Variants in ARHGAP12 observed in about 807,000 individuals in gnomAD.
The protein encoded by ARHGAP12 is Rho GTPase activating protein 12.
Under a neutral mutation model 108.6 loss-of-function variants are expected in ARHGAP12, and 64 were observed. The ratio of observed to expected loss-of-function variants is 0.59; its 90% CI spans 0.48 to 0.73. The LOEUF is 0.73. ARHGAP12 is among the 30% of genes least tolerant of loss of function. The probability of loss-of-function intolerance (pLI) is 0.00; values close to 1 mark genes in which losing one functional copy is unlikely to be tolerated. For synonymous variants in ARHGAP12, 312 were observed against 337.2 expected (o/e 0.93, Z 0.82); for missense variants, 940 against 1,005.9 (o/e 0.93, Z 0.89).
At chr10:31,812,270 ATTAG>A (rs959707884) in intron 15 of ARHGAP12, among the ~76,000 whole-genome samples, 2 of 152,198 alleles carry the variant, frequency 1.3e-5, no homozygotes, top group Non-Finnish European at 2.9e-5. Flanking sequence ...AGGCAAATAA[ATTAG>A]TTAGAAAAAA....
rs1390979764 is a variant in ARHGAP12, at chr10:31,854,218, C to G, written c.949-12G>C. 6.3e-7 allele frequency: 1 copy of G among 1,589,706 alleles called. No homozygotes were observed. Among genetic ancestry groups the G allele is most frequent in the Non-Finnish European group, 8.5e-7 (1 of 1,173,068 alleles). ...TCCGATGAAAGAAGCTACAAATAGT[C>G]AGAAACATAAGGATTTTTCTTTTTT... On this transcript the variant is annotated splice_polypyrimidine_tract_variant and intron_variant, in intron 4 of 19. Transcript: ENST00000344936.
chr10:31,914,548 G>A (rs1839479511), intron 1 of ARHGAP12, among the ~76,000 whole-genome samples: 1 of 152,012 alleles, frequency 6.6e-6, no homozygotes, highest in Non-Finnish European at 1.5e-5. Flanking sequence ...AGAAAAAAAT[G>A]CTCAACATCA....
chr10:31,911,563 C>T (rs1839349388), intron 1 of ARHGAP12, among the ~76,000 whole-genome samples: 1 of 152,218 alleles, frequency 6.6e-6, no homozygotes, highest in Non-Finnish European at 1.5e-5. Flanking sequence ...ATCCACCCAC[C>T]TCTGCCTCTC....
intron 12 of ARHGAP12, 22 bp downstream of exon 12, chr10:31,820,365 T>C: frequency 6.4e-7 from 1 of 1,565,944 alleles, no homozygotes; most frequent in Non-Finnish European, 8.7e-7. Context: ...GAATGTGTTA[T>C]ACTTAGAAAA....
At position 31,805,867 on chromosome 10, in the gene ARHGAP12, T is replaced by G. The variant is rs1296190298; in HGVS notation, c.*1791A>C. 1.3e-5 allele frequency: 2 copies of G among 152,178 alleles called. No individual in the cohort carries two copies. Among genetic ancestry groups the G allele is most frequent in the Non-Finnish European group, 1.5e-5 (1 of 68,024 alleles). 9.4% of individuals were successfully genotyped at this position (152,178 alleles called of 1,614,324 possible). ...TTTAGGCAAATATAAACATTCTGAT[T>G]TAGGGCTTTTTCTCCCCACCCGAAA... is the stretch of plus-strand genomic sequence containing the variant. On this transcript the variant is annotated 3_prime_UTR_variant, in exon 20 of 20. Transcript: ENST00000344936.
In ARHGAP12 at chr10:31,817,974, A is replaced by T. The variant is rs12264016; in HGVS notation, c.1633-88T>A. 0.013 allele frequency: 11,903 copies of T among 922,454 alleles called. 916 individuals are homozygous for T. In the African/African-American group the frequency reaches 0.17, roughly 13 times the overall value. 57.1% of individuals were successfully genotyped at this position (922,454 alleles called of 1,614,324 possible). ...AATACCTTTAATTCAAAGTTAACAA[A>T]ACCACCAAGAGTAGCTGCCATATAT... On this transcript the variant is annotated intron_variant, in intron 12 of 19. Transcript: ENST00000344936.
At chr10:31,882,252 GCCTA>G (rs1266624791) in intron 3 of ARHGAP12, among the ~76,000 whole-genome samples, 2 of 152,142 alleles carry the variant, frequency 1.3e-5, no homozygotes, top group African/African-American at 2.4e-5. Context: ...AGTAGCCAGA[GCCTA>G]CCTAACCAAA....
At chr10:31,917,404 CA>C (rs1022448048) in intron 1 of ARHGAP12, among the ~76,000 whole-genome samples, 1 of 151,436 alleles carries the variant, frequency 6.6e-6, no homozygotes, top group Non-Finnish European at 1.5e-5. Flanking sequence ...GACTTAGTCT[CA>C]AAAAAATAAA....
chr10:31,893,100 A>C (rs1464256460), intron 3 of ARHGAP12, among the ~76,000 whole-genome samples: 7 of 152,226 alleles, frequency 4.6e-5, no homozygotes, highest in Non-Finnish European at 8.8e-5. Context: ...CATTTAAAGC[A>C]GTGTGTAAAG....
At chr10:31,896,460 T>C (rs2132419881) in intron 3 of ARHGAP12, among the ~76,000 whole-genome samples, 1 of 152,282 alleles carries the variant, frequency 6.6e-6, no homozygotes, top group Middle Eastern at 3.4e-3. Flanking sequence ...TTGTCAGTTA[T>C]CACTTTTTCT....
intron 4 of ARHGAP12, among the ~76,000 whole-genome samples, chr10:31,859,595 G>A (rs1837033984): frequency 8.3e-6 from 1 of 120,468 alleles, no homozygotes; most frequent in South Asian, 2.7e-4. Flanking sequence ...CAGTAATTGA[G>A]ACCCTGTATA....
At chr10:31,865,311 T>C (rs529317261) in intron 3 of ARHGAP12, among the ~76,000 whole-genome samples, 3 of 152,020 alleles carry the variant, frequency 2.0e-5, no homozygotes, top group African/African-American at 7.2e-5. Context: ...GACAAGACAG[T>C]AGGAATGCAG....
chr10:31,870,727 C>T (rs766674330), intron 3 of ARHGAP12, among the ~76,000 whole-genome samples: 24 of 152,100 alleles, frequency 1.6e-4, no homozygotes, highest in Non-Finnish European at 2.4e-4. Flanking sequence ...AAAAATATAA[C>T]TTCCTAAAAG....
intron 16 of ARHGAP12, among the ~76,000 whole-genome samples, chr10:31,810,034 T>C (rs1243041452): frequency 6.6e-6 from 1 of 152,146 alleles, no homozygotes; most frequent in Non-Finnish European, 1.5e-5. Flanking sequence ...TGGCAGAAAT[T>C]ACAAATTGAA....
intron 4 of ARHGAP12, among the ~76,000 whole-genome samples, chr10:31,859,745 C>A (rs923619155): frequency 6.6e-6 from 1 of 151,794 alleles, no homozygotes; most frequent in African/African-American, 2.4e-5. Flanking sequence ...ATTATTGATA[C>A]ACTGGATAGC....
chr10:31,894,556 T>A lies in ARHGAP12; in HGVS notation c.684+13616A>T, dbSNP rs1417150545. ...CAACTTACAAGGGATGTGAAGGACC[T>A]CTTCAAGGAGAACTACAAACCACTG... is the stretch of plus-strand genomic sequence containing the variant. On this transcript the variant is annotated intron_variant, in intron 3 of 19. Coordinates refer to ENST00000344936, the MANE Select transcript of ARHGAP12 (RefSeq NM_018287.7). 3.3e-5 allele frequency among the ~76,000 whole-genome samples: 5 copies of A among 152,140 alleles called. No individual in the cohort carries two copies. The East Asian group carries it at 9.6e-4, about 29-fold the overall frequency.
At chr10:31,884,097 A>T (rs1350194671) in intron 3 of ARHGAP12, among the ~76,000 whole-genome samples, 1 of 142,934 alleles carries the variant, frequency 7.0e-6, no homozygotes, top group Middle Eastern at 3.6e-3. Context: ...TTACACCTAA[A>T]AAAAAAAAAA....
chr10:31,861,925 T>TA (rs1435084710), intron 3 of ARHGAP12, among the ~76,000 whole-genome samples: 4 of 152,216 alleles, frequency 2.6e-5, no homozygotes, highest in African/African-American at 7.2e-5. Context: ...CTGTGGGTTC[T>TA]AATTCAAGAT....
chr10:31,873,555 A>G (rs1201990576), intron 3 of ARHGAP12, among the ~76,000 whole-genome samples: 2 of 152,136 alleles, frequency 1.3e-5, no homozygotes, highest in Non-Finnish European at 2.9e-5. Flanking sequence ...TTAATTTGTC[A>G]TTTTTCTGTC....
Sources: gnomAD v4.1 joint callset for allele counts (sites outside exome capture counted in the v4.1 genomes callset) on GRCh38, gnomAD v4.1.1 for gene constraint, MANE v1.5 for transcripts, NCBI Gene and HGNC (gene_info 2026-07-23, HGNC 2026-07-21) for gene names.